Variants in GABRB2 observed in about 807,000 individuals in gnomAD.
The protein encoded by GABRB2 is gamma-aminobutyric acid receptor subunit beta-2.
Under a neutral mutation model 54.7 loss-of-function variants are expected in GABRB2, and 16 were observed. That is an observed-to-expected ratio of 0.29 (90% CI 0.20 to 0.44). GABRB2 has a LOEUF of 0.44. Among genes scored for constraint, GABRB2 ranks in the 20% least tolerant of loss-of-function variants. GABRB2 has a pLI of 1.00. For synonymous variants in GABRB2, 244 were observed against 233.8 expected (o/e 1.04, Z -0.40); for missense variants, 355 against 644.0 (o/e 0.55, Z 4.86).
chr5:161,304,920 T>G (rs1182620451), intron 9 of GABRB2, among the ~76,000 whole-genome samples: 2 of 151,886 alleles, frequency 1.3e-5, no homozygotes, highest in Non-Finnish European at 2.9e-5. Context: ...TCATTTTCGT[T>G]GTATGGGGAA....
At chr5:161,361,171 A>T (rs1318926317) in intron 5 of GABRB2, among the ~76,000 whole-genome samples, 1 of 152,062 alleles carries the variant, frequency 6.6e-6, no homozygotes, top group East Asian at 1.9e-4. Context: ...GACAATTACA[A>T]TTGTATGGGC....
rs560379821 is a variant in GABRB2 at position 161,385,711 on chromosome 5, G to A, written c.541+25264C>T. ...ATTGGGTGACACAAACATGATCCCT[G>A]CTGTAGTGGTGCTTATACTTGAATG... On this transcript the variant is annotated intron_variant, in intron 5 of 9. Transcript: ENST00000393959. Among the ~76,000 whole-genome samples the A allele has an allele frequency of 2.2e-4, 33 of 152,290 alleles. No homozygotes were observed. The East Asian group carries it at 6.2e-3, about 29-fold the overall frequency.
chr5:161,493,477 C>T (rs1301667163), intron 3 of GABRB2, among the ~76,000 whole-genome samples: 3 of 151,548 alleles, frequency 2.0e-5, no homozygotes, highest in Non-Finnish European at 3.0e-5. Context: ...TGAAATGTCA[C>T]CTTTTTATAT....
At chr5:161,538,438 G>C (rs1238335686) in intron 3 of GABRB2, among the ~76,000 whole-genome samples, 1 of 152,210 alleles carries the variant, frequency 6.6e-6, no homozygotes, top group Non-Finnish European at 1.5e-5. Flanking sequence ...AGACCATGAG[G>C]CACTTACTTG....
intron 3 of GABRB2, among the ~76,000 whole-genome samples, chr5:161,537,451 T>A (rs1760674264): frequency 6.6e-6 from 1 of 152,150 alleles, no homozygotes; most frequent in African/African-American, 2.4e-5. Flanking sequence ...TCTGCCCACA[T>A]GCCTCATCCC....
At chr5:161,304,457 T>C (rs573231316) in intron 9 of GABRB2, among the ~76,000 whole-genome samples, 1 of 152,352 alleles carries the variant, frequency 6.6e-6, no homozygotes, top group Non-Finnish European at 1.5e-5. Flanking sequence ...CCAGTGCTAG[T>C]ATTTCTTTTC....
At chr5:161,433,202 C>T (rs1386464704) in intron 4 of GABRB2, among the ~76,000 whole-genome samples, 1 of 152,044 alleles carries the variant, frequency 6.6e-6, no homozygotes, top group East Asian at 1.9e-4. Flanking sequence ...ATGTATATAT[C>T]TACAGATAAA....
At chr5:161,410,945 C>T (rs1207974788) in intron 5 of GABRB2, 30 bp downstream of exon 5, 6 of 1,562,050 alleles carry the variant, frequency 3.8e-6, no homozygotes, top group Non-Finnish European at 5.3e-6. Flanking sequence ...AAGCAGAGTC[C>T]AGTCTAGCTG....
chr5:161,537,435 T>C (rs1200178409), intron 3 of GABRB2, among the ~76,000 whole-genome samples: 1 of 152,106 alleles, frequency 6.6e-6, no homozygotes, highest in Non-Finnish European at 1.5e-5. Flanking sequence ...CAAAGTGAAC[T>C]CACTATCTGC....
intron 3 of GABRB2, among the ~76,000 whole-genome samples, chr5:161,508,584 T>A: frequency 6.6e-6 from 1 of 151,940 alleles, no homozygotes; most frequent in East Asian, 1.9e-4. Context: ...TAGATAGACA[T>A]TAAAATACAC....
At position 161,291,975 on chromosome 5, in the gene GABRB2, A is replaced by T. The variant is rs947907389; in HGVS notation, c.*2106T>A. The stretch of plus-strand genomic sequence containing the variant: ...AGGAGAAAGTGTGTCCTGGAGAAAC[A>T]TGAGGAATCTCTACTCTGAGCCTGT... On this transcript the variant is annotated 3_prime_UTR_variant, in exon 10 of 10. Transcript: ENST00000393959. The T allele has an allele frequency of 2.0e-5, 3 of 152,204 alleles. No individual in the cohort carries two copies. Among genetic ancestry groups the T allele is most frequent in the African/African-American group, 7.2e-5 (3 of 41,464 alleles). 9.4% of individuals were successfully genotyped at this position (152,204 alleles called of 1,614,324 possible).
intron 5 of GABRB2, among the ~76,000 whole-genome samples, chr5:161,341,558 G>A (rs923935270): frequency 2.4e-4 from 37 of 151,726 alleles, no homozygotes; most frequent in Middle Eastern, 3.4e-3. Flanking sequence ...ACAAGCCTCT[G>A]ATCAGGAAAA....
intron 9 of GABRB2, among the ~76,000 whole-genome samples, chr5:161,314,961 T>C (rs1028886298): frequency 6.6e-6 from 1 of 152,192 alleles, no homozygotes; most frequent in African/African-American, 2.4e-5. Flanking sequence ...GATTGAAAAC[T>C]ATGGCACATT....
chr5:161,419,190 C>T (rs1027704497), intron 4 of GABRB2, among the ~76,000 whole-genome samples: 2 of 152,070 alleles, frequency 1.3e-5, no homozygotes, highest in Non-Finnish European at 2.9e-5. Context: ...TACAAGTGGT[C>T]CACAAACATA....
chr5:161,418,857 T>C (rs1338039610), intron 4 of GABRB2, among the ~76,000 whole-genome samples: 1 of 152,132 alleles, frequency 6.6e-6, no homozygotes, highest in Non-Finnish European at 1.5e-5. Context: ...CCAAGTGCTA[T>C]GGCTCACACC....
chr5:161,440,062 CAA>C (rs61152845), intron 4 of GABRB2, among the ~76,000 whole-genome samples: 32 of 77,184 alleles, frequency 4.1e-4, no homozygotes, highest in East Asian at 1.8e-3. Context: ...AACCTCAAAC[CAA>C]AAAAAAAAAA....
intron 3 of GABRB2, among the ~76,000 whole-genome samples, chr5:161,508,738 A>T (rs993899999): frequency 2.0e-5 from 3 of 152,006 alleles, no homozygotes; most frequent in Non-Finnish European, 4.4e-5. Context: ...TAAGAGGATG[A>T]ATGCATAGCA....
intron 9 of GABRB2, among the ~76,000 whole-genome samples, chr5:161,302,825 C>T (rs1757576930): frequency 6.6e-6 from 1 of 152,160 alleles, no homozygotes; most frequent in Non-Finnish European, 1.5e-5. Context: ...AGAAAGTTCA[C>T]TCAATCAGAA....
At chr5:161,364,559 T>C (rs1487162104) in intron 5 of GABRB2, among the ~76,000 whole-genome samples, 3 of 152,180 alleles carry the variant, frequency 2.0e-5, no homozygotes, top group African/African-American at 7.2e-5. Flanking sequence ...TTTAAAGGGA[T>C]CTTAAAATGT....
Sources: allele counts gnomAD v4.1 joint callset (sites outside exome capture counted in the v4.1 genomes callset), GRCh38; gene constraint gnomAD v4.1.1; transcripts MANE v1.5; gene names NCBI Gene and HGNC (gene_info 2026-07-23, HGNC 2026-07-21).